UGT1A6: variants seen among roughly 807,000 people sequenced by gnomAD.
UGT1A6 encodes UDP glucuronosyltransferase family 1 member A6, also known as UDP-glucuronosyltransferase 1A6.
UGT1A6 carries 32 observed loss-of-function variants against 44.4 expected under a neutral mutation model. The observed-to-expected ratio is 0.72, with a 90% CI of 0.54 to 0.97. The LOEUF (loss-of-function observed/expected upper bound fraction) is 0.97, where lower values mean the gene tolerates loss of function less well. Ranked by LOEUF, UGT1A6 falls within the 50% of genes least tolerant of loss-of-function variation. The probability of loss-of-function intolerance (pLI) is 0.00; values close to 1 mark genes in which losing one functional copy is unlikely to be tolerated. For synonymous variants in UGT1A6, 238 were observed against 248.5 expected (o/e 0.96, Z 0.40); for missense variants, 685 against 661.9 (o/e 1.03, Z -0.38).
Position 233,713,763 on chromosome 2 carries a change from C to G in UGT1A6, c.861+19898C>G, listed in dbSNP as rs145951104. 4 of 1,613,766 alleles carry G rather than the reference C, an allele frequency of 2.5e-6. No individual in the cohort carries two copies. In the African/African-American group the frequency reaches 4.0e-5, roughly 16 times the overall value. On this transcript the variant is annotated intron_variant, in intron 1 of 4. Transcript: ENST00000305139. Reference sequence around the variant, plus strand: ...CAGCCATGCATCTGTGTGGCTGTTCCGAGGGGACTTTGTGATGGATTACCC... The same window carrying G: ...CAGCCATGCATCTGTGTGGCTGTTCGGAGGGGACTTTGTGATGGATTACCC...
chr2:233,755,274 G>T, intron 1 of UGT1A6: 1 of 734,282 alleles, frequency 1.4e-6, no homozygotes, highest in Non-Finnish European at 2.1e-6. Flanking sequence ...CACTATGCTG[G>T]ACTGCCAAAG....
intron 1 of UGT1A6, among the ~76,000 whole-genome samples, chr2:233,725,106 A>C (rs2077366331): frequency 7.0e-6 from 1 of 142,226 alleles, no homozygotes; most frequent in African/African-American, 2.7e-5. Flanking sequence ...AGAATCAGGC[A>C]GGGAGGTTGC....
chr2:233,733,678 C>G (rs2078428487), intron 1 of UGT1A6, among the ~76,000 whole-genome samples: 1 of 152,188 alleles, frequency 6.6e-6, no homozygotes, highest in Non-Finnish European at 1.5e-5. Flanking sequence ...TGTGGATAAA[C>G]TTTTTGATGT....
chr2:233,751,263 C>A (rs1694683349), intron 1 of UGT1A6, among the ~76,000 whole-genome samples: 1 of 151,922 alleles, frequency 6.6e-6, no homozygotes, highest in African/African-American at 2.4e-5. Context: ...CCTGTAGCCC[C>A]CTTTTTTTGG....
intron 1 of UGT1A6, chr2:233,744,077 T>C: frequency 4.4e-6 from 2 of 457,126 alleles, no homozygotes; most frequent in Non-Finnish European, 7.3e-6. Flanking sequence ...GCGCCTCGCA[T>C]CCCAAGATGC....
chr2:233,699,028 C>T (rs1427032707), intron 1 of UGT1A6, among the ~76,000 whole-genome samples: 1 of 152,216 alleles, frequency 6.6e-6, no homozygotes, highest in Non-Finnish European at 1.5e-5. Flanking sequence ...AGCCACCAGG[C>T]AGTCCCAGAT....
intron 4 of UGT1A6, 29 bp downstream of exon 4, chr2:233,768,468 T>C: frequency 6.2e-7 from 1 of 1,604,616 alleles, no homozygotes; most frequent in Non-Finnish European, 8.5e-7. Context: ...AAGAATACTT[T>C]GGTCATGGCA....
At chr2:233,744,063 A>G (rs181200285) in intron 1 of UGT1A6, 66 of 569,246 alleles carry the variant, frequency 1.2e-4, no homozygotes, top group East Asian at 7.6e-4. Flanking sequence ...GTCGAGGCCT[A>G]TGAGCGCCTC....
intron 1 of UGT1A6, among the ~76,000 whole-genome samples, chr2:233,725,002 GC>G (rs1483949172): frequency 7.5e-6 from 1 of 134,040 alleles, no homozygotes; most frequent in African/African-American, 3.7e-5. Flanking sequence ...CTGGAGACCG[GC>G]CCGGCCAAAC....
chr2:233,718,300 C>G, intron 1 of UGT1A6, among the ~76,000 whole-genome samples: 1 of 152,240 alleles, frequency 6.6e-6, no homozygotes, highest in Non-Finnish European at 1.5e-5. Flanking sequence ...AGCCTGAACA[C>G]TCTCTGTTTA....
intron 1 of UGT1A6, among the ~76,000 whole-genome samples, chr2:233,711,102 G>C (rs1389158237): frequency 6.6e-6 from 1 of 152,178 alleles, no homozygotes; most frequent in African/African-American, 2.4e-5. Context: ...GTGCAGCCCA[G>C]ACCCCTCCTC....
chr2:233,730,043 T>A (rs766678673), intron 1 of UGT1A6: 9 of 1,612,624 alleles, frequency 5.6e-6, no homozygotes, highest in South Asian at 2.2e-5. Context: ...AAACACTTTT[T>A]AAAAAAATGT....
intron 1 of UGT1A6, among the ~76,000 whole-genome samples, chr2:233,720,605 A>C (rs1246290812): frequency 6.6e-6 from 1 of 152,152 alleles, no homozygotes; most frequent in Non-Finnish European, 1.5e-5. Context: ...TTTCATTAAT[A>C]CAGAATATTT....
At chr2:233,728,122 T>C (rs534141246) in intron 1 of UGT1A6, among the ~76,000 whole-genome samples, 2 of 152,362 alleles carry the variant, frequency 1.3e-5, no homozygotes, top group Non-Finnish European at 2.9e-5. Context: ...TCTTGAAATT[T>C]GGACTAGGGC....
At chr2:233,766,444 G>A (rs1260169711) in intron 1 of UGT1A6, among the ~76,000 whole-genome samples, 1 of 152,210 alleles carries the variant, frequency 6.6e-6, no homozygotes, top group African/African-American at 2.4e-5. Context: ...CTGTGTGTCT[G>A]CCTGCTAGGG....
At chr2:233,737,199 C>T (rs762867419) in intron 1 of UGT1A6, among the ~76,000 whole-genome samples, 7 of 152,222 alleles carry the variant, frequency 4.6e-5, no homozygotes, top group Non-Finnish European at 7.3e-5. Flanking sequence ...TGCTGAGCTG[C>T]GGTGGACTCT....
chr2:233,757,306 AG>A (rs1394181032), intron 1 of UGT1A6, among the ~76,000 whole-genome samples: 3 of 7,688 alleles, frequency 3.9e-4, no homozygotes, highest in African/African-American at 1.6e-3. Context: ...GTTGGGGGAC[AG>A]GGGGGCTGGG....
At chr2:233,747,122 G>A in intron 1 of UGT1A6, 1 of 1,481,738 alleles carries the variant, frequency 6.7e-7, no homozygotes, top group Non-Finnish European at 9.1e-7. Flanking sequence ...GATTTGCTAA[G>A]TGGCTCAGTG....
intron 1 of UGT1A6, among the ~76,000 whole-genome samples, chr2:233,744,313 G>A (rs1203522735): frequency 6.6e-6 from 1 of 151,838 alleles, no homozygotes; most frequent in Non-Finnish European, 1.5e-5. Context: ...GAGGGAAGAG[G>A]GTGGTGGGAG....
Sources: gnomAD v4.1 joint callset for allele counts (sites outside exome capture counted in the v4.1 genomes callset) on GRCh38, gnomAD v4.1.1 for gene constraint, MANE v1.5 for transcripts, NCBI Gene and HGNC (gene_info 2026-07-23, HGNC 2026-07-21) for gene names.